NEK6: variants seen among roughly 807,000 people sequenced by gnomAD.
NEK6 encodes the protein serine/threonine-protein kinase Nek6.
NEK6 carries 27 observed loss-of-function variants against 43.5 expected under a neutral mutation model. The observed-to-expected ratio is 0.62, with a 90% CI of 0.46 to 0.86. The LOEUF is 0.86. Among genes scored for constraint, NEK6 ranks in the 40% least tolerant of loss-of-function variants. The pLI is 0.00. For missense variants in NEK6, 318 were observed against 414.4 expected, an observed-to-expected ratio of 0.77 and a Z score of 2.02; for synonymous variants, 167 against 164.1, an observed-to-expected ratio of 1.02 and a Z score of -0.14.
intron 2 of NEK6, among the ~76,000 whole-genome samples, chr9:124,307,129 T>TC (rs1160820894): frequency 1.7e-4 from 18 of 103,528 alleles, no homozygotes; most frequent in African/African-American, 5.9e-4. Context: ...ATGCTCCTGT[T>TC]TAAAAAAAAA....
chr9:124,266,455 G>A (rs777788227), intron 1 of NEK6, among the ~76,000 whole-genome samples: 3 of 152,288 alleles, frequency 2.0e-5, no homozygotes, highest in South Asian at 2.1e-4. Context: ...GCTGCCCTCC[G>A]GAAGTGACCA....
At chr9:124,266,725 G>T (rs1831242997) in intron 1 of NEK6, among the ~76,000 whole-genome samples, 1 of 152,210 alleles carries the variant, frequency 6.6e-6, no homozygotes, top group Non-Finnish European at 1.5e-5. Flanking sequence ...AATATTTGTT[G>T]AGTGAATGGG....
rs553709380 is a variant in NEK6, at chr9:124,327,354, C to T, written c.531C>T (p.Asn177=). 6.2e-7 allele frequency: 1 copy of T among 1,613,976 alleles called. No individual in the cohort carries two copies. The highest frequency in any genetic ancestry group is 8.5e-7 in the Non-Finnish European group (1 of 1,179,992). The change falls in exon 7 of 10, where the codon AAC becomes AAT. Residue 177 remains asparagine, a synonymous_variant. Coordinates refer to ENST00000320246, the MANE Select transcript of NEK6 (RefSeq NM_014397.6). ...GCCCTGCAGACATCAAGCCTGCCAA[C>T]GTGTTCATCACAGCCACGGGCGTCG... The part of the protein sequence containing the change: ...RVMHRDIKPA[N]VFITATGVVK...
At chr9:124,261,298 A>G (rs1831021220) in intron 1 of NEK6, 1 of 683,406 alleles carries the variant, frequency 1.5e-6, no homozygotes, top group South Asian at 6.5e-5. Flanking sequence ...TCTTTTCTTT[A>G]AGTGCCCCAG....
At chr9:124,322,307 T>C (rs1834106095) in intron 5 of NEK6, among the ~76,000 whole-genome samples, 2 of 152,112 alleles carry the variant, frequency 1.3e-5, no homozygotes, top group Non-Finnish European at 2.9e-5. Context: ...GACTGGCTCA[T>C]GCTCCACGCC....
intron 1 of NEK6, among the ~76,000 whole-genome samples, chr9:124,274,500 G>C (rs1319875680): frequency 1.3e-5 from 2 of 152,368 alleles, no homozygotes; most frequent in East Asian, 3.9e-4. Flanking sequence ...TAGCACTGAA[G>C]TTTGAACCTC....
chr9:124,339,043 T>C (rs890152296), intron 7 of NEK6, among the ~76,000 whole-genome samples: 2 of 141,780 alleles, frequency 1.4e-5, no homozygotes, highest in Non-Finnish European at 3.1e-5. Context: ...TTTTTTTTTT[T>C]TTTGAGCCCG....
intron 1 of NEK6, among the ~76,000 whole-genome samples, chr9:124,282,114 A>G (rs1337808529): frequency 2.6e-5 from 4 of 152,212 alleles, no homozygotes; most frequent in East Asian, 1.9e-4. Context: ...CTTGAAAACA[A>G]TAGAAATTCA....
chr9:124,289,196 C>T (rs1259992071), intron 1 of NEK6, among the ~76,000 whole-genome samples: 10 of 5,226 alleles, frequency 1.9e-3, no homozygotes, highest in Non-Finnish European at 6.6e-3. Context: ...GCCACACACA[C>T]ACACACACAC....
chr9:124,293,420 C>T (rs1357493159), intron 1 of NEK6, among the ~76,000 whole-genome samples: 1 of 152,222 alleles, frequency 6.6e-6, no homozygotes, highest in African/African-American at 2.4e-5. Flanking sequence ...AGTCAAGAAT[C>T]TTCTGGGCAG....
intron 4 of NEK6, among the ~76,000 whole-genome samples, chr9:124,321,064 G>A (rs957911080): frequency 6.6e-6 from 1 of 152,264 alleles, no homozygotes; most frequent in African/African-American, 2.4e-5. Flanking sequence ...GGGACAGAGA[G>A]GTGGGGCCCA....
At position 124,313,068 on chromosome 9, in the gene NEK6, G is replaced by A. The variant is rs533293555; in HGVS notation, c.231+419G>A. ...CAGTTCTGGGCTTCCTGCCTTCTGC[G>A]TCCCTCCTAAATGGAGGAAGTAGGT... On this transcript the variant is annotated intron_variant, in intron 3 of 9. Transcript: ENST00000320246. 1.2e-4 allele frequency among the ~76,000 whole-genome samples: 18 copies of A among 152,268 alleles called. No homozygotes were observed. In the South Asian group the frequency reaches 3.3e-3, roughly 28 times the overall value.
At chr9:124,318,071 C>G (rs575797963) in intron 4 of NEK6, among the ~76,000 whole-genome samples, 30 of 152,232 alleles carry the variant, frequency 2.0e-4, no homozygotes, top group African/African-American at 7.0e-4. Flanking sequence ...AATGGTAGTT[C>G]TATTTTTAGT....
chr9:124,310,827 T>TCGCC (rs1180614736), intron 2 of NEK6, among the ~76,000 whole-genome samples: 2 of 152,216 alleles, frequency 1.3e-5, no homozygotes, highest in African/African-American at 2.4e-5. Flanking sequence ...CCTTAAGTGA[T>TCGCC]CGCCCGCCTC....
At position 124,264,665 on chromosome 9, in the gene NEK6, G is replaced by A. The variant is rs528660831; in HGVS notation, c.-30+6580G>A. 4.6e-5 allele frequency among the ~76,000 whole-genome samples: 7 copies of A among 152,174 alleles called. No individual in the cohort carries two copies. In the South Asian group the frequency reaches 1.5e-3, roughly 32 times the overall value. On this transcript the variant is annotated intron_variant, in intron 1 of 9. Coordinates refer to ENST00000320246, the MANE Select transcript of NEK6 (RefSeq NM_014397.6). ...ACTAAAAATACGAAAAATTAGCTGG[G>A]CGTGGTGGTGGACACCTTTAATCCC...
rs1831626690 is a variant in NEK6, at chr9:124,275,790, C to A, written c.-30+17705C>A. On this transcript the variant is annotated intron_variant, in intron 1 of 9. Coordinates refer to ENST00000320246, the MANE Select transcript of NEK6 (RefSeq NM_014397.6). The surrounding 1 kb of genome is among the most constrained non-coding windows in gnomAD (Gnocchi z 4.4). ...CGGTGACGGTAATGAGGGGAGGGAG[C>A]AATGCACCCTTCGTTTGTTCCTCAG... Among the ~76,000 whole-genome samples, 1 of 152,222 alleles carries A rather than the reference C, an allele frequency of 6.6e-6. No individual in the cohort carries two copies. Among genetic ancestry groups the A allele is most frequent in the Admixed American group, 6.5e-5 (1 of 15,282 alleles).
intron 5 of NEK6, among the ~76,000 whole-genome samples, chr9:124,323,372 G>A (rs1223535812): frequency 1.3e-5 from 2 of 152,198 alleles, no homozygotes; most frequent in African/African-American, 2.4e-5. Context: ...CTCCAGGCTC[G>A]GGGTCCAGGA....
intron 8 of NEK6, among the ~76,000 whole-genome samples, chr9:124,340,565 G>C (rs1829550090): frequency 6.6e-6 from 1 of 152,248 alleles, no homozygotes; most frequent in African/African-American, 2.4e-5. Context: ...AGACAGGAAA[G>C]GGCTCTGGAA....
chr9:124,276,690 C>A (rs1831664904), intron 1 of NEK6, among the ~76,000 whole-genome samples: 1 of 152,208 alleles, frequency 6.6e-6, no homozygotes, highest in Non-Finnish European at 1.5e-5. Context: ...TAAATATTAG[C>A]TATTAGCTTT....
Sources: allele counts gnomAD v4.1 joint callset (sites outside exome capture counted in the v4.1 genomes callset), GRCh38; gene constraint gnomAD v4.1.1; non-coding constraint Gnocchi (gnomAD v3.1); transcripts MANE v1.5; gene names NCBI Gene and HGNC (gene_info 2026-07-23, HGNC 2026-07-21).